Variants in DUSP5 observed in about 807,000 individuals in gnomAD.
DUSP5 encodes dual specificity protein phosphatase 5.
In DUSP5, 22 loss-of-function variants were observed where a neutral mutation model predicts 33.6. That is an observed-to-expected ratio of 0.66 (90% CI 0.47 to 0.94). The LOEUF is 0.94. Among genes scored for constraint, DUSP5 ranks in the 40% least tolerant of loss-of-function variants. The pLI, the probability that DUSP5 is intolerant of heterozygous loss-of-function variation, is 0.00. For missense variants in DUSP5, 551 were observed against 522.1 expected, an observed-to-expected ratio of 1.06 and a Z score of -0.54; for synonymous variants, 270 against 231.1, an observed-to-expected ratio of 1.17 and a Z score of -1.53.
chr10:110,499,147 G>A lies in DUSP5; in HGVS notation c.379+647G>A, dbSNP rs186562549. ...TTCCTCCGCCCCAGGATTATCCCTG[G>A]GACCCATCCTGAGCTGAGCCTACAG... On this transcript the variant is annotated intron_variant, in intron 1 of 3. Transcript: ENST00000369583. Among the ~76,000 whole-genome samples, 62 of 152,064 alleles carry A rather than the reference G, an allele frequency of 4.1e-4. 1 individual carries two copies. Among genetic ancestry groups the A allele is most frequent in the African/African-American group, 1.4e-3 (59 of 41,464 alleles).
intron 3 of DUSP5, 39 bp downstream of exon 3, chr10:110,507,193 C>T (rs1260184436): frequency 6.3e-7 from 1 of 1,588,292 alleles, no homozygotes; most frequent in Admixed American, 1.7e-5. Context: ...TTTGGGAGCC[C>T]CTTTGGGGCA....
At chr10:110,506,284 T>C (rs532253779) in intron 2 of DUSP5, among the ~76,000 whole-genome samples, 2 of 152,112 alleles carry the variant, frequency 1.3e-5, no homozygotes, top group African/African-American at 4.8e-5. Flanking sequence ...ATTATAAAAT[T>C]AGCCAGGCAT....
chr10:110,510,648 T>G lies in DUSP5; in HGVS notation c.*222T>G. 1.7e-6 allele frequency: 1 copy of G among 581,386 alleles called. No individual in the cohort carries two copies. The highest frequency in any genetic ancestry group is 3.0e-5 in the East Asian group (1 of 33,658). 36.0% of individuals were successfully genotyped at this position (581,386 alleles called of 1,614,324 possible). A position where few individuals can be genotyped will look rare whatever the true frequency, so the allele number is the denominator to read the frequency against. On this transcript the variant is annotated 3_prime_UTR_variant, in exon 4 of 4. Transcript: ENST00000369583. ...CAAGCCATTACGGGAGCACAGCATG[T>G]GCTGACTACTGTACTTCCAGACCCC...
rs1401547984 is a variant in DUSP5, at chr10:110,498,067, C to T, written c.-55C>T. 8.8e-7 allele frequency: 1 copy of T among 1,130,796 alleles called. No individual in the cohort carries two copies. The highest frequency in any genetic ancestry group is 1.1e-6 in the Non-Finnish European group (1 of 930,220). The allele number at this position is 1,130,796 out of a possible 1,614,324, so 70.0% of individuals were successfully genotyped here. On this transcript the variant is annotated 5_prime_UTR_variant, in exon 1 of 4. Coordinates refer to ENST00000369583, the MANE Select transcript of DUSP5 (RefSeq NM_004419.4). ...ACACCCTGGCCGTGGACACCCTGGC[C>T]GTGGGCACCCGCGGGGCGCGCGGCG...
intron 1 of DUSP5, among the ~76,000 whole-genome samples, 164 bp downstream of exon 1, chr10:110,498,664 A>G (rs142574244): frequency 1.3e-5 from 2 of 152,074 alleles, no homozygotes; most frequent in Non-Finnish European, 2.9e-5. Flanking sequence ...AAATGTCAGC[A>G]CTCAGAGCTC....
chr10:110,506,305 G>T (rs1267068190), intron 2 of DUSP5, among the ~76,000 whole-genome samples: 2 of 152,150 alleles, frequency 1.3e-5, no homozygotes, highest in Admixed American at 1.3e-4. Context: ...GGTGGTACAT[G>T]CCTGTAGGCC....
intron 1 of DUSP5, among the ~76,000 whole-genome samples, chr10:110,500,445 A>G (rs1396861669): frequency 6.6e-6 from 1 of 152,212 alleles, no homozygotes; most frequent in African/African-American, 2.4e-5. Flanking sequence ...TTATAACACT[A>G]CTAAACTTTA....
rs201758099 is a variant in DUSP5 at position 110,510,125 on chromosome 10, G to T, written c.854G>T (p.Arg285Leu). ...MAYLMKTKQF[R>L]LKEAFDYIKQ... The stretch of plus-strand genomic sequence containing the variant: ...TACCTTATGAAGACCAAGCAGTTCC[G>T]CCTGAAGGAGGCCTTCGATTACATC... Residue 285 changes from arginine to leucine, a missense_variant, in exon 4 of 4, where the codon CGC becomes CTC. By Grantham distance (102) the Arg-to-Leu change is moderately radical. Around this residue, in one of 3 missense-constraint regions of DUSP5, gnomAD observed 158 missense variants for 181.8 expected, o/e 0.87. Coordinates refer to ENST00000369583, the MANE Select transcript of DUSP5 (RefSeq NM_004419.4). 3 of 1,614,144 alleles carry T rather than the reference G, an allele frequency of 1.9e-6. No individual in the cohort carries two copies. The highest frequency in any genetic ancestry group is 2.5e-6 in the Non-Finnish European group (3 of 1,180,036).
At position 110,498,911 on chromosome 10, in the gene DUSP5, C is replaced by T. The variant is rs564886471; in HGVS notation, c.379+411C>T. On this transcript the variant is annotated intron_variant, in intron 1 of 3. Coordinates refer to ENST00000369583, the MANE Select transcript of DUSP5 (RefSeq NM_004419.4). ...GATCAGCAGGTCGCGATCCACTCTC[C>T]CTTGGTGTGGCGCCGTGGTGCCCCC... Among the ~76,000 whole-genome samples the T allele has an allele frequency of 2.4e-4, 37 of 152,276 alleles. No homozygotes were observed. The South Asian group carries it at 7.5e-3, about 31-fold the overall frequency.
chr10:110,501,074 C>T (rs1860041466), intron 1 of DUSP5, among the ~76,000 whole-genome samples: 1 of 152,214 alleles, frequency 6.6e-6, no homozygotes, highest in African/African-American at 2.4e-5. Flanking sequence ...AAATTCCCAT[C>T]CAAATCCTTG....
In DUSP5 at chr10:110,510,271, G is replaced by A; in HGVS notation, c.1000G>A (p.Ala334Thr). ...PQPPSCQGEAAGSSLIGHLQT... is the reference protein window; with the variant it reads ...PQPPSCQGEATGSSLIGHLQT... ...GCCTCCCTCCTGCCAAGGGGAGGCA[G>A]CAGGCTCTTCACTGATAGGCCATTT... The change falls in exon 4 of 4, where the codon GCA becomes ACA. Residue 334 changes from alanine (A) to threonine (T), a missense_variant. Transcript: ENST00000369583. 1 of 1,614,108 alleles carries A rather than the reference G, an allele frequency of 6.2e-7. No homozygotes were observed. Among genetic ancestry groups the A allele is most frequent in the Non-Finnish European group, 8.5e-7 (1 of 1,180,026 alleles).
At chr10:110,500,751 C>G (rs1212752490) in intron 1 of DUSP5, among the ~76,000 whole-genome samples, 1 of 152,206 alleles carries the variant, frequency 6.6e-6, no homozygotes, top group African/African-American at 2.4e-5. Context: ...TTTTGCCACT[C>G]GAGTGAGGCA....
intron 1 of DUSP5, 100 bp downstream of exon 1, chr10:110,498,600 C>T (rs1156651672): frequency 1.2e-5 from 16 of 1,320,206 alleles, no homozygotes; most frequent in East Asian, 3.1e-5. Flanking sequence ...GGGAGAGTCA[C>T]CACCTGCAGG....
Position 110,507,110 on chromosome 10 carries a change from C to A in DUSP5, c.704C>A (p.Thr235Lys). ...YKWIPVEDSH[T>K]ADISSHFQEA... ...TGGATCCCTGTGGAAGACAGCCACA[C>A]GGCTGACATTAGCTCCCACTTTCAA... is the stretch of plus-strand genomic sequence containing the variant. The change falls in exon 3 of 4, where the codon ACG becomes AAG. Residue 235 changes from threonine (T) to lysine (K), a missense_variant. By Grantham distance (78) the Thr-to-Lys change is moderately conservative. Coordinates refer to ENST00000369583, the MANE Select transcript of DUSP5 (RefSeq NM_004419.4). 1 of 1,614,112 alleles carries A rather than the reference C, an allele frequency of 6.2e-7. No individual in the cohort carries two copies. The highest frequency in any genetic ancestry group is 8.5e-7 in the Non-Finnish European group (1 of 1,180,040).
At chr10:110,500,916 C>G (rs2134657160) in intron 1 of DUSP5, among the ~76,000 whole-genome samples, 1 of 152,324 alleles carries the variant, frequency 6.6e-6, no homozygotes, top group Non-Finnish European at 1.5e-5. Flanking sequence ...CATGCAGGAT[C>G]CAGCCCACAC....
intron 3 of DUSP5, among the ~76,000 whole-genome samples, chr10:110,508,544 C>G (rs1860147556): frequency 6.6e-6 from 1 of 152,118 alleles, no homozygotes; most frequent in South Asian, 2.1e-4. Flanking sequence ...CCCCAGTGAG[C>G]CATGTGCTGA....
At chr10:110,500,770 G>A (rs569452573) in intron 1 of DUSP5, among the ~76,000 whole-genome samples, 1 of 152,358 alleles carries the variant, frequency 6.6e-6, no homozygotes, top group African/African-American at 2.4e-5. Context: ...CACCAGCGAG[G>A]AATGTTCTGT....
chr10:110,499,699 G>A (rs1455925857), intron 1 of DUSP5, among the ~76,000 whole-genome samples: 3 of 152,224 alleles, frequency 2.0e-5, no homozygotes, highest in Non-Finnish European at 4.4e-5. Flanking sequence ...GAGGTAGATG[G>A]TAATCGTCCT....
At chr10:110,499,621 C>T (rs942975003) in intron 1 of DUSP5, among the ~76,000 whole-genome samples, 26 of 152,188 alleles carry the variant, frequency 1.7e-4, no homozygotes, top group Non-Finnish European at 3.8e-4. Flanking sequence ...ATTCTGGAGA[C>T]AGTTCCCCTC....
Sources: gnomAD v4.1 joint callset for allele counts (sites outside exome capture counted in the v4.1 genomes callset) on GRCh38, gnomAD v4.1.1 for gene constraint, gnomAD v4.1.1 regional missense constraint, MANE v1.5 for transcripts, NCBI Gene and HGNC (gene_info 2026-07-23, HGNC 2026-07-21) for gene names.